The following DAB1 variants were observed in gnomAD, a reference collection of about 807,000 sequenced individuals.
The protein encoded by DAB1 is DAB adaptor protein 1.
DAB1 carries 15 observed loss-of-function variants against 64.6 expected under a neutral mutation model. That is an observed-to-expected ratio of 0.23 (90% CI 0.16 to 0.36). DAB1 has a LOEUF of 0.36. Ranked by LOEUF, DAB1 falls within the 10% of genes least tolerant of loss-of-function variation. The pLI is 1.00. For synonymous variants in DAB1, 235 were observed against 251.9 expected, an observed-to-expected ratio of 0.93 and a Z score of 0.64; for missense variants, 596 against 706.7, an observed-to-expected ratio of 0.84 and a Z score of 1.78.
chr1:58,029,490 G>A (rs370524625), intron 5 of DAB1, among the ~76,000 whole-genome samples: 1 of 152,194 alleles, frequency 6.6e-6, no homozygotes, highest in Non-Finnish European at 1.5e-5. Flanking sequence ...CAATCTTGAA[G>A]TTATAGCTGT....
chr1:57,057,787 T>TC (rs1157123468), intron 9 of DAB1, among the ~76,000 whole-genome samples: 1 of 150,404 alleles, frequency 6.6e-6, no homozygotes, highest in African/African-American at 2.5e-5. Context: ...TTTTTGTATT[T>TC]TTAGTAGAGA....
At chr1:57,830,948 C>T (rs1208572907) in intron 1 of DAB1, among the ~76,000 whole-genome samples, 1 of 152,136 alleles carries the variant, frequency 6.6e-6, no homozygotes. Flanking sequence ...GAGTCTCGCT[C>T]TGTTGCCCAG....
intron 6 of DAB1, among the ~76,000 whole-genome samples, chr1:57,814,828 GCTA>G (rs1167496825): frequency 2.6e-4 from 39 of 152,186 alleles, no homozygotes; most frequent in African/African-American, 9.4e-4. Context: ...GTCCAGGCCT[GCTA>G]CTCATTCATT....
At chr1:57,758,202 T>C (rs2101813495) in intron 6 of DAB1, among the ~76,000 whole-genome samples, 1 of 152,310 alleles carries the variant, frequency 6.6e-6, no homozygotes, top group East Asian at 1.9e-4. Flanking sequence ...TACTAGGCAC[T>C]AGGTACTTTT....
intron 1 of DAB1, among the ~76,000 whole-genome samples, chr1:57,304,856 G>T (rs1673998668): frequency 2.0e-5 from 3 of 152,264 alleles, no homozygotes; most frequent in African/African-American, 4.8e-5. Context: ...CCTATGATGA[G>T]AAATCTGATA....
At position 58,025,963 on chromosome 1, in the gene DAB1, T is replaced by C. The variant is rs971425311; in HGVS notation, n.387+124548A>G. On this transcript the variant is annotated intron_variant and non_coding_transcript_variant, in intron 5 of 20. Transcript: ENST00000485760. ...GTTCTCACCTCCACCTGGAGGGCCATGTCACCCCAAACACTCATCCTTCAA... is the reference window on the plus strand; with the variant it reads ...GTTCTCACCTCCACCTGGAGGGCCACGTCACCCCAAACACTCATCCTTCAA... Among the ~76,000 whole-genome samples the C allele has an allele frequency of 1.8e-4, 27 of 152,040 alleles. 1 individual carries two copies. Among genetic ancestry groups the C allele is most frequent in the Admixed American group, 1.8e-3 (27 of 15,240 alleles).
intron 7 of DAB1, among the ~76,000 whole-genome samples, chr1:57,521,114 C>T (rs868540845): frequency 6.6e-6 from 1 of 152,298 alleles, no homozygotes; most frequent in Middle Eastern, 3.4e-3. Context: ...AGAACCAAGA[C>T]TACCCCCAAC....
chr1:58,372,336 C>T (rs961524639), intron 3 of DAB1, among the ~76,000 whole-genome samples: 4 of 152,154 alleles, frequency 2.6e-5, no homozygotes, highest in East Asian at 1.9e-4. Context: ...GGGCCTGTGG[C>T]CCCTTTGTTT....
chr1:57,885,643 C>T (rs1214435872), upstream of DAB1, among the ~76,000 whole-genome samples: 1 of 151,998 alleles, frequency 6.6e-6, no homozygotes, highest in African/African-American at 2.4e-5. Flanking sequence ...TTTTTTCCAC[C>T]CCTTTCACTA....
intron 6 of DAB1, among the ~76,000 whole-genome samples, chr1:57,706,393 C>T (rs1646967472): frequency 6.6e-6 from 1 of 152,028 alleles, no homozygotes; most frequent in Admixed American, 6.6e-5. Flanking sequence ...GCACCCTCAA[C>T]CTCCCCAGGC....
In DAB1 at chr1:57,679,483, T is replaced by G. The variant is rs562809976; in HGVS notation, n.552-29818A>C. Among the ~76,000 whole-genome samples the G allele has an allele frequency of 3.4e-4, 52 of 152,358 alleles. 1 individual carries two copies. In the South Asian group the frequency reaches 0.01, roughly 30 times the overall value. Reference sequence around the variant, plus strand: ...ATCTTTAGCCACTCTGAGAGCATCGTTCACAGTCCTCAGGCCAGGGCCATG... The same window carrying G: ...ATCTTTAGCCACTCTGAGAGCATCGGTCACAGTCCTCAGGCCAGGGCCATG... On this transcript the variant is annotated intron_variant and non_coding_transcript_variant, in intron 6 of 20. Transcript: ENST00000485760.
At chr1:58,393,683 A>G (rs1175581751) in intron 3 of DAB1, among the ~76,000 whole-genome samples, 1 of 152,188 alleles carries the variant, frequency 6.6e-6, no homozygotes, top group Non-Finnish European at 1.5e-5. Context: ...AAACTCATAG[A>G]AGTAAAGAAT....
chr1:57,042,691 G>A (rs1647940194), intron 9 of DAB1, among the ~76,000 whole-genome samples: 3 of 152,140 alleles, frequency 2.0e-5, no homozygotes, highest in Non-Finnish European at 4.4e-5. Context: ...AAAACAAAAT[G>A]AATAAATGGA....
intron 2 of DAB1, among the ~76,000 whole-genome samples, chr1:58,522,837 G>A (rs993296218): frequency 3.3e-5 from 5 of 152,182 alleles, no homozygotes; most frequent in African/African-American, 1.2e-4. Context: ...TATTCATTAA[G>A]TGGAAGTGGA....
At chr1:57,552,594 A>G (rs183953821) in intron 7 of DAB1, among the ~76,000 whole-genome samples, 38 of 152,358 alleles carry the variant, frequency 2.5e-4, no homozygotes, top group Admixed American at 2.4e-3. Context: ...CACAGGAAAC[A>G]GTGTAAGCAA....
chr1:58,376,646 G>C (rs1245526372), intron 3 of DAB1, among the ~76,000 whole-genome samples: 1 of 144,270 alleles, frequency 6.9e-6, no homozygotes, highest in South Asian at 2.2e-4. Flanking sequence ...TGAAAAAAAT[G>C]TATATTCTGT....
At chr1:57,826,009 C>T (rs1017714005), downstream of DAB1, 2 of 152,122 alleles carry the variant, frequency 1.3e-5, no homozygotes, top group South Asian at 2.1e-4. Flanking sequence ...TGTATCATTC[C>T]GTTGGTGCAT....
chr1:57,810,531 C>T (rs1247086022), intron 6 of DAB1, among the ~76,000 whole-genome samples: 3 of 152,058 alleles, frequency 2.0e-5, no homozygotes, highest in African/African-American at 7.2e-5. Flanking sequence ...TGTGAAGCAG[C>T]GAGGTACACT....
At chr1:58,082,770 G>A (rs1258662906) in intron 5 of DAB1, among the ~76,000 whole-genome samples, 3 of 152,126 alleles carry the variant, frequency 2.0e-5, no homozygotes, top group Admixed American at 6.5e-5. Context: ...TGCTGTAGCC[G>A]GCATCTGTGC....
Sources: allele counts gnomAD v4.1 joint callset (sites outside exome capture counted in the v4.1 genomes callset), GRCh38; gene constraint gnomAD v4.1.1; transcripts MANE v1.5; gene names NCBI Gene and HGNC (gene_info 2026-07-23, HGNC 2026-07-21).